NCAM1: variants seen among roughly 807,000 people sequenced by gnomAD.
NCAM1 encodes the protein antigen recognized by monoclonal antibody 5.1H11.
NCAM1 carries 14 observed loss-of-function variants against 109.8 expected under a neutral mutation model. That is an observed-to-expected ratio of 0.13 (90% CI 0.08 to 0.20). The LOEUF (loss-of-function observed/expected upper bound fraction) is 0.20. Ranked by LOEUF, NCAM1 falls within the 10% of genes least tolerant of loss-of-function variation. The pLI, the probability that NCAM1 is intolerant of heterozygous loss-of-function variation, is 1.00. For synonymous variants in NCAM1, 418 were observed against 442.9 expected (o/e 0.94, Z 0.70); for missense variants, 774 against 1,109.9 (o/e 0.70, Z 4.30).
In NCAM1 at chr11:113,277,558, C is replaced by A; in HGVS notation, c.*2171C>A. ...GGGGCAGGCTCTTCTGGTCACCAGG[C>A]TGTTCAGTGGACTCAGTTCTTCATC... On this transcript the variant is annotated 3_prime_UTR_variant, in exon 20 of 20. Transcript: ENST00000316851. 2.5e-6 allele frequency: 1 copy of A among 397,618 alleles called. No individual in the cohort carries two copies. The allele number at this position is 397,618 out of a possible 1,614,324, so 24.6% of individuals were successfully genotyped here.
At chr11:113,167,361 A>G (rs915798922) in intron 1 of NCAM1, among the ~76,000 whole-genome samples, 2 of 152,150 alleles carry the variant, frequency 1.3e-5, no homozygotes, top group African/African-American at 4.8e-5. Context: ...CTGGGGTGCC[A>G]TGAGGGAACC....
chr11:113,169,036 C>CTG (rs10562516), intron 1 of NCAM1, among the ~76,000 whole-genome samples: 2,563 of 146,864 alleles, frequency 0.017, 38 homozygotes, highest in South Asian at 0.042. Flanking sequence ...CTTCCTCTTT[C>CTG]TGTGTGTGTG....
chr11:113,263,056 A>G, intron 17 of NCAM1: 1 of 1,422,368 alleles, frequency 7.0e-7, no homozygotes, highest in South Asian at 1.6e-5. Flanking sequence ...GTGGAAGAGA[A>G]GGTTTTGTGA....
intron 1 of NCAM1, among the ~76,000 whole-genome samples, chr11:113,057,757 A>G (rs1379837666): frequency 4.6e-5 from 7 of 152,184 alleles, no homozygotes; most frequent in Admixed American, 3.9e-4. Flanking sequence ...AGAAAATACA[A>G]AATAACAGGT....
At chr11:113,033,454 A>G (rs1218428443) in intron 1 of NCAM1, among the ~76,000 whole-genome samples, 1 of 152,214 alleles carries the variant, frequency 6.6e-6, no homozygotes, top group East Asian at 1.9e-4. Flanking sequence ...AAAGATTAAG[A>G]TGAAAATATA....
chr11:113,176,874 T>C (rs1465221684), intron 1 of NCAM1, among the ~76,000 whole-genome samples: 3 of 152,220 alleles, frequency 2.0e-5, no homozygotes, highest in African/African-American at 7.2e-5. Flanking sequence ...TCCCAGCCTG[T>C]TGAGAAAAGC....
chr11:113,008,606 A>G (rs782184004), intron 1 of NCAM1, among the ~76,000 whole-genome samples: 4 of 152,224 alleles, frequency 2.6e-5, no homozygotes, highest in Admixed American at 6.5e-5. Flanking sequence ...TTTGATTTCA[A>G]ACTGAAGCCA....
At chr11:113,232,471 G>A in intron 11 of NCAM1, 117 bp downstream of exon 11, 2 of 1,130,662 alleles carry the variant, frequency 1.8e-6, no homozygotes, top group Non-Finnish European at 2.5e-6. Context: ...AGCAGGGAAG[G>A]CATGGGCTAG....
At chr11:113,231,501 C>T (rs781861443) in intron 9 of NCAM1, 144 bp from the exon 10 acceptor site, 66 of 952,670 alleles carry the variant, frequency 6.9e-5, no homozygotes, top group Non-Finnish European at 9.9e-5. Flanking sequence ...GTAAGAAAGC[C>T]ATTGACACAG....
chr11:113,139,361 C>T (rs1941727789), intron 1 of NCAM1, among the ~76,000 whole-genome samples: 1 of 152,028 alleles, frequency 6.6e-6, no homozygotes, highest in Non-Finnish European at 1.5e-5. Context: ...TTATGTATAT[C>T]GTTTATTTTT....
intron 14 of NCAM1, among the ~76,000 whole-genome samples, chr11:113,242,082 T>G (rs548518217): frequency 1.1e-4 from 16 of 152,228 alleles, no homozygotes; most frequent in Non-Finnish European, 1.6e-4. Flanking sequence ...GATAAGTCGC[T>G]AAGCCTCCCC....
intron 1 of NCAM1, among the ~76,000 whole-genome samples, chr11:113,192,973 G>T (rs1943730524): frequency 1.3e-5 from 2 of 152,126 alleles, no homozygotes; most frequent in Admixed American, 6.5e-5. Flanking sequence ...CCACACCCTT[G>T]GCTATCTGCT....
chr11:112,965,771 A>G (rs529080220), intron 1 of NCAM1, among the ~76,000 whole-genome samples: 70 of 152,302 alleles, frequency 4.6e-4, no homozygotes, highest in Non-Finnish European at 2.5e-4. Context: ...CTTCAATACT[A>G]CTGGCAGGCT....
At position 112,963,248 on chromosome 11, in the gene NCAM1, TGCCCG is replaced by T; in HGVS notation, c.52+1587_52+1591del. ...CCCGCCCTGCGGCCGGTCCCCCGCC[TGCCCG>T]GCAGTTTCCGAGGAAATAAAATGGA... is the stretch of plus-strand genomic sequence containing the variant. On this transcript the variant is annotated intron_variant, in intron 1 of 19. Transcript: ENST00000316851. This position sits in a 1 kb window ranked among gnomAD's most constrained non-coding sequence, Gnocchi z 4.6. 1.3e-5 allele frequency: 2 copies of T among 152,704 alleles called. No individual in the cohort carries two copies. The highest frequency in any genetic ancestry group is 2.9e-5 in the Non-Finnish European group (2 of 68,356). 9.5% of individuals were successfully genotyped at this position (152,704 alleles called of 1,614,324 possible). A position where few individuals can be genotyped will look rare whatever the true frequency, so the allele number is the denominator to read the frequency against.
intron 17 of NCAM1, 170 bp downstream of exon 17, chr11:113,260,493 G>A (rs1945960053): frequency 1.5e-6 from 1 of 673,482 alleles, no homozygotes; most frequent in African/African-American, 1.8e-5. Context: ...GCAGTGGGGT[G>A]AGATGTACTG....
chr11:113,095,133 A>C (rs1235796752), intron 1 of NCAM1, among the ~76,000 whole-genome samples: 1 of 152,218 alleles, frequency 6.6e-6, no homozygotes, highest in East Asian at 1.9e-4. Flanking sequence ...ATCAAAACTC[A>C]ATAATTTTGT....
rs547149421 is a variant in NCAM1 at position 113,106,634 on chromosome 11, G to A, written c.53-95745G>A. 7.2e-5 allele frequency among the ~76,000 whole-genome samples: 11 copies of A among 152,292 alleles called. No homozygotes were observed. The South Asian group carries it at 2.3e-3, about 32-fold the overall frequency. ...AGATTTCTTCAGCCAAAACACAAACGGACATTGTGGTTTCAGATAAACTGA... is the reference window on the plus strand; with the variant it reads ...AGATTTCTTCAGCCAAAACACAAACAGACATTGTGGTTTCAGATAAACTGA... On this transcript the variant is annotated intron_variant, in intron 1 of 19. Coordinates refer to ENST00000316851, the MANE Select transcript of NCAM1 (RefSeq NM_181351.5).
At chr11:113,017,694 T>A (rs1001414596) in intron 1 of NCAM1, among the ~76,000 whole-genome samples, 1 of 140,904 alleles carries the variant, frequency 7.1e-6, no homozygotes, top group African/African-American at 2.5e-5. Flanking sequence ...ATTACTTGAT[T>A]TGTTGTTAAA....
chr11:112,975,429 G>A (rs1157931925), intron 1 of NCAM1, among the ~76,000 whole-genome samples: 1 of 151,992 alleles, frequency 6.6e-6, no homozygotes, highest in Non-Finnish European at 1.5e-5. Flanking sequence ...AAAAATTCTA[G>A]ACCACGTTCA....
Sources: allele counts gnomAD v4.1 joint callset (sites outside exome capture counted in the v4.1 genomes callset), GRCh38; gene constraint gnomAD v4.1.1; non-coding constraint Gnocchi (gnomAD v3.1); transcripts MANE v1.5; gene names NCBI Gene and HGNC (gene_info 2026-07-23, HGNC 2026-07-21).